The following RBFOX1 variants were observed in gnomAD, a reference collection of about 807,000 sequenced individuals.
RBFOX1 encodes RNA binding fox-1 homolog 1, also known as RNA binding protein fox-1 homolog 1.
A neutral mutation model predicts 57.7 loss-of-function variants in RBFOX1; 8 were observed. The observed-to-expected ratio is 0.14, with a 90% CI of 0.08 to 0.25. The LOEUF (loss-of-function observed/expected upper bound fraction) is 0.25, where lower values mean the gene tolerates loss of function less well. RBFOX1 is among the 10% of genes least tolerant of loss of function. The probability of loss-of-function intolerance (pLI) is 1.00; values close to 1 mark genes in which losing one functional copy is unlikely to be tolerated. For synonymous variants in RBFOX1, 326 were observed against 222.4 expected, an observed-to-expected ratio of 1.47 and a Z score of -4.15; for missense variants, 611 against 548.5, an observed-to-expected ratio of 1.11 and a Z score of -1.14.
chr16:6,660,433 G>A (rs138832852), intron 3 of RBFOX1, among the ~76,000 whole-genome samples: 1 of 152,156 alleles, frequency 6.6e-6, no homozygotes, highest in Non-Finnish European at 1.5e-5. Flanking sequence ...CATAGGTAAT[G>A]GTTAGTAGCT....
At chr16:6,423,518 G>C (rs140538859) in intron 2 of RBFOX1, among the ~76,000 whole-genome samples, 1 of 152,188 alleles carries the variant, frequency 6.6e-6, no homozygotes, top group South Asian at 2.1e-4. Flanking sequence ...AGAATTGCTC[G>C]AACCTGGGAG....
chr16:7,012,999 G>T lies in RBFOX1; in HGVS notation c.-15-39058G>T, dbSNP rs2093724320. On this transcript the variant is annotated intron_variant, in intron 3 of 15. Coordinates refer to ENST00000550418, the MANE Select transcript of RBFOX1 (RefSeq NM_018723.4). ...GTCTTCAGTGGCGTTTCCTCAGTGTGTACAGGTGGAGAGAGAGAGAAAGCA... is the reference window on the plus strand; with the variant it reads ...GTCTTCAGTGGCGTTTCCTCAGTGTTTACAGGTGGAGAGAGAGAGAAAGCA... 2.6e-5 allele frequency among the ~76,000 whole-genome samples: 4 copies of T among 152,274 alleles called. No homozygotes were observed. The South Asian group carries it at 8.3e-4, about 32-fold the overall frequency.
At chr16:6,358,088 G>C (rs1208939249) in intron 2 of RBFOX1, among the ~76,000 whole-genome samples, 1 of 152,158 alleles carries the variant, frequency 6.6e-6, no homozygotes. Context: ...AAGGTGAAGA[G>C]GAGGCTCTGA....
chr16:6,917,044 C>T (rs541413745), intron 3 of RBFOX1, among the ~76,000 whole-genome samples: 9 of 152,206 alleles, frequency 5.9e-5, no homozygotes, highest in African/African-American at 1.9e-4. Context: ...AGATGGGTTT[C>T]ACCATGTTGT....
chr16:6,941,293 TC>T lies in RBFOX1; in HGVS notation c.-15-110761del, dbSNP rs1175806383. Among the ~76,000 whole-genome samples the T allele has an allele frequency of 7.3e-3, 416 of 57,062 alleles. 5 individuals are homozygous for T. The highest frequency in any genetic ancestry group is 0.031 in the African/African-American group (336 of 10,722). 37.4% of individuals were successfully genotyped at this position (57,062 alleles called of 152,430 possible). A position where few individuals can be genotyped will look rare whatever the true frequency, so the allele number is the denominator to read the frequency against. On this transcript the variant is annotated intron_variant, in intron 3 of 15. Coordinates refer to ENST00000550418, the MANE Select transcript of RBFOX1 (RefSeq NM_018723.4). ...TCTCTCCCTCCCTTCCCTCCTTCCC[TC>T]CCTCCCTCCTTCCTTCCTTCCTTCC...
chr16:6,858,360 C>T, intron 3 of RBFOX1, among the ~76,000 whole-genome samples: 1 of 152,148 alleles, frequency 6.6e-6, no homozygotes, highest in East Asian at 1.9e-4. Flanking sequence ...AAAAGCAGAG[C>T]AGATTCGTGA....
At chr16:6,875,265 C>G (rs180864685) in intron 3 of RBFOX1, among the ~76,000 whole-genome samples, 65 of 152,316 alleles carry the variant, frequency 4.3e-4, no homozygotes, top group African/African-American at 1.5e-3. Flanking sequence ...TCTGAAGACT[C>G]TTCGGTTGTC....
Position 6,898,383 on chromosome 16 carries a change from A to G in RBFOX1, c.-15-153674A>G, listed in dbSNP as rs189350826. On this transcript the variant is annotated intron_variant, in intron 3 of 15. Coordinates refer to ENST00000550418, the MANE Select transcript of RBFOX1 (RefSeq NM_018723.4). ...GTGAAGGCTAAAGAATGTGGAGGGTATTGAGTGCACCCCAGCCCCTGACAT... is the reference window on the plus strand; with the variant it reads ...GTGAAGGCTAAAGAATGTGGAGGGTGTTGAGTGCACCCCAGCCCCTGACAT... Among the ~76,000 whole-genome samples the G allele has an allele frequency of 2.5e-3, 374 of 152,236 alleles. 4 individuals are homozygous for G. Among genetic ancestry groups the G allele is most frequent in the Non-Finnish European group, 6.5e-4 (44 of 68,022 alleles).
intron 2 of RBFOX1, among the ~76,000 whole-genome samples, chr16:6,579,077 C>G (rs1307625916): frequency 6.6e-6 from 1 of 152,066 alleles, no homozygotes; most frequent in East Asian, 1.9e-4. Context: ...AAAATATTTG[C>G]TCAAAAATGA....
At chr16:7,486,097 G>C (rs1296293846) in intron 4 of RBFOX1, among the ~76,000 whole-genome samples, 1 of 150,434 alleles carries the variant, frequency 6.6e-6, no homozygotes, top group Non-Finnish European at 1.5e-5. Flanking sequence ...TGCTGTCTGT[G>C]GGTATTTGTG....
chr16:6,005,411 T>C (rs980546009), intron 4 of RBFOX1, among the ~76,000 whole-genome samples: 5 of 152,198 alleles, frequency 3.3e-5, no homozygotes, highest in Admixed American at 2.0e-4. Flanking sequence ...TGGGAGCACA[T>C]TGAGAAATGC....
chr16:5,365,743 G>A, intron 1 of RBFOX1: 1 of 448,718 alleles, frequency 2.2e-6, no homozygotes. Flanking sequence ...CTTGAGCAGT[G>A]GTCATTTATC....
chr16:6,955,072 A>C (rs899609073), intron 3 of RBFOX1, among the ~76,000 whole-genome samples: 2 of 122,574 alleles, frequency 1.6e-5, no homozygotes, highest in African/African-American at 5.9e-5. Context: ...CTCTACAAAA[A>C]AAAAAAAACA....
At chr16:6,652,028 A>G (rs2098600420) in intron 2 of RBFOX1, among the ~76,000 whole-genome samples, 2 of 152,218 alleles carry the variant, frequency 1.3e-5, no homozygotes, top group Non-Finnish European at 2.9e-5. Context: ...GTATAACTGT[A>G]AAATTCATAT....
chr16:6,031,529 G>A (rs780378756), intron 1 of RBFOX1, among the ~76,000 whole-genome samples: 1 of 152,124 alleles, frequency 6.6e-6, no homozygotes, highest in East Asian at 1.9e-4. Flanking sequence ...CTCTGTGTGT[G>A]CATGTGTAGA....
intron 2 of RBFOX1, among the ~76,000 whole-genome samples, chr16:6,562,034 A>G (rs2097185783): frequency 6.6e-6 from 1 of 152,218 alleles, no homozygotes; most frequent in Non-Finnish European, 1.5e-5. Context: ...GCTTTAAGGC[A>G]TGGAGTTTTC....
At chr16:6,761,722 G>C (rs368738005) in intron 3 of RBFOX1, among the ~76,000 whole-genome samples, 7 of 151,568 alleles carry the variant, frequency 4.6e-5, no homozygotes, top group Non-Finnish European at 8.8e-5. Flanking sequence ...GGCCAGGCTG[G>C]TCTTGAATTC....
intron 1 of RBFOX1, among the ~76,000 whole-genome samples, chr16:5,304,500 G>C (rs4636911): frequency 0.63 from 95,694 of 152,070 alleles, 30,824 homozygotes; most frequent in South Asian, 0.73. Flanking sequence ...CCTGAACATG[G>C]ACACAAAATC....
At chr16:5,355,328 C>T (rs2065361010) in intron 1 of RBFOX1, among the ~76,000 whole-genome samples, 1 of 152,198 alleles carries the variant, frequency 6.6e-6, no homozygotes, top group East Asian at 1.9e-4. Flanking sequence ...GGACTATGGG[C>T]CGGGAGAGAT....
Sources: gnomAD v4.1 joint callset for allele counts (sites outside exome capture counted in the v4.1 genomes callset) on GRCh38, gnomAD v4.1.1 for gene constraint, MANE v1.5 for transcripts, NCBI Gene and HGNC (gene_info 2026-07-23, HGNC 2026-07-21) for gene names.